Variants in OVCH1 observed in about 807,000 individuals in gnomAD.
OVCH1 encodes the protein ovochymase 1, also known as ovochymase-1.
Under a neutral mutation model 138.4 loss-of-function variants are expected in OVCH1, and 139 were observed. The observed-to-expected ratio is 1.00, with a 90% CI of 0.87 to 1.16. OVCH1 has a LOEUF of 1.16. Ranked by LOEUF, OVCH1 falls within the 50% of genes most tolerant of loss-of-function variation. The pLI, the probability that OVCH1 is intolerant of heterozygous loss-of-function variation, is 0.00. For missense variants in OVCH1, 1,367 were observed against 1,357.9 expected (o/e 1.01, Z -0.11); for synonymous variants, 453 against 467.8 (o/e 0.97, Z 0.41).
intron 3 of OVCH1, among the ~76,000 whole-genome samples, chr12:29,418,774 A>C (rs1941063969): frequency 6.6e-6 from 1 of 152,232 alleles, no homozygotes; most frequent in Non-Finnish European, 1.5e-5. Flanking sequence ...ATTTGTCATA[A>C]GGGAGTGAGG....
At position 29,490,192 on chromosome 12, in the gene OVCH1, T is replaced by C. The variant is rs1943236769; in HGVS notation, c.551-421A>G. Among the ~76,000 whole-genome samples, 3 of 152,152 alleles carry C rather than the reference T, an allele frequency of 2.0e-5. No individual in the cohort carries two copies. In the South Asian group the frequency reaches 6.2e-4, roughly 32 times the overall value. Reference sequence around the variant, plus strand: ...GATTCTCCCACCTCAGTTTCCCAAGTAGCTGGGACTACAGGCATGCCACCG... The same window carrying C: ...GATTCTCCCACCTCAGTTTCCCAAGCAGCTGGGACTACAGGCATGCCACCG... On this transcript the variant is annotated intron_variant, in intron 5 of 27. Transcript: ENST00000318184.
chr12:29,495,499 T>G (rs767027854), intron 3 of OVCH1, 42 bp from the exon 4 acceptor site: 4 of 1,545,110 alleles, frequency 2.6e-6, no homozygotes, highest in Non-Finnish European at 3.5e-6. Context: ...TTGTTTCCCC[T>G]ACGCAAGTCT....
intron 24 of OVCH1, 107 bp from the exon 25 acceptor site, chr12:29,443,607 T>A (rs1371152413): frequency 1.8e-6 from 2 of 1,106,810 alleles, no homozygotes; most frequent in African/African-American, 3.2e-5. Flanking sequence ...CCAGTGAGCC[T>A]TATTTTTTGT....
rs532464302 is a variant in OVCH1 at position 29,454,159 on chromosome 12, C to T, written c.2530+682G>A. ...ATATGTACTTTGCTCCTAAGACCATCGCCTCCTTTTGGGTACTAGATCTCA... is the reference window on the plus strand; with the variant it reads ...ATATGTACTTTGCTCCTAAGACCATTGCCTCCTTTTGGGTACTAGATCTCA... On this transcript the variant is annotated intron_variant, in intron 21 of 27. Coordinates refer to ENST00000318184, the Ensembl canonical transcript of OVCH1. Among the ~76,000 whole-genome samples, 4 of 152,202 alleles carry T rather than the reference C, an allele frequency of 2.6e-5. No homozygotes were observed. The South Asian group carries it at 6.2e-4, about 24-fold the overall frequency.
intron 1 of OVCH1, among the ~76,000 whole-genome samples, chr12:29,497,205 G>A (rs1943442142): frequency 6.6e-6 from 1 of 152,126 alleles, no homozygotes; most frequent in African/African-American, 2.4e-5. Context: ...GGAGTTTGAG[G>A]GAGCCGTGAT....
exon 18 of OVCH1, chr12:29,464,619 G>A (rs746388481): frequency 1.2e-5 from 19 of 1,613,528 alleles, no homozygotes; most frequent in Non-Finnish European, 1.6e-5. Context: ...CCAGAGGAGA[G>A]CTTAGTTGTA....
chr12:29,496,528 A>G (rs1345546753), intron 2 of OVCH1, 28 bp downstream of exon 2: 2 of 1,507,560 alleles, frequency 1.3e-6, no homozygotes, highest in Non-Finnish European at 1.8e-6. Flanking sequence ...TTTTCTCATT[A>G]AGAAATCAAT....
rs1941732921 is a variant in OVCH1 at position 29,449,911 on chromosome 12, G to A, written c.2755+1434C>T. ...CAAACCTGACAAAAACAAGCAATGA[G>A]GAAAGGATTCCCTATTTAATAAATG... is the stretch of plus-strand genomic sequence containing the variant. On this transcript the variant is annotated intron_variant, in intron 22 of 27. Coordinates refer to ENST00000318184, the Ensembl canonical transcript of OVCH1. Among the ~76,000 whole-genome samples, 2 of 152,138 alleles carry A rather than the reference G, an allele frequency of 1.3e-5. 1 individual carries two copies. The highest frequency in any genetic ancestry group is 4.1e-4 in the South Asian group (2 of 4,832).
At chr12:29,486,303 A>T (rs766972563) in exon 8 of OVCH1, 2 of 1,613,852 alleles carry the variant, frequency 1.2e-6, no homozygotes, top group African/African-American at 1.3e-5. Flanking sequence ...GGCCTTTGTT[A>T]TATACCTTGA....
chr12:29,405,185 T>G, the OVCH1 span, among the ~76,000 whole-genome samples: 1 of 152,212 alleles, frequency 6.6e-6, no homozygotes, highest in South Asian at 2.1e-4. Flanking sequence ...CTAATTACGG[T>G]TCATTTGTTT....
At chr12:29,482,883 C>T (rs980307811) in intron 8 of OVCH1, among the ~76,000 whole-genome samples, 3 of 152,210 alleles carry the variant, frequency 2.0e-5, no homozygotes, top group Admixed American at 6.5e-5. Context: ...AAATACTTTG[C>T]TCAAATATCC....
intron 3 of OVCH1, among the ~76,000 whole-genome samples, chr12:29,417,405 G>A (rs1941043642): frequency 7.2e-6 from 1 of 138,088 alleles, no homozygotes; most frequent in Non-Finnish European, 1.5e-5. Context: ...AGAGGTTGCA[G>A]TGAGCCAAGA....
chr12:29,449,350 T>C (rs1324644387), intron 22 of OVCH1, among the ~76,000 whole-genome samples: 1 of 150,540 alleles, frequency 6.6e-6, no homozygotes, highest in Non-Finnish European at 1.5e-5. Context: ...CTTTCTCAAT[T>C]CAAAGTACTT....
rs571934688 is a variant in OVCH1, at chr12:29,495,628, G to GA, written c.282-172dup. ...CAATGGTCATATTTTTTTTAATCTA[G>GA]AAAAAATCGTAGTTTTCAGTCATGT... is the stretch of plus-strand genomic sequence containing the variant. On this transcript the variant is annotated intron_variant, in intron 3 of 27. Transcript: ENST00000318184. Among the ~76,000 whole-genome samples, 13 of 151,912 alleles carry GA rather than the reference G, an allele frequency of 8.6e-5. No individual in the cohort carries two copies. In the South Asian group the frequency reaches 1.9e-3, roughly 22 times the overall value.
intron 18 of OVCH1, 171 bp downstream of exon 18, chr12:29,464,336 T>G (rs1942240788): frequency 1.2e-6 from 1 of 804,948 alleles, no homozygotes; most frequent in East Asian, 2.7e-5. Flanking sequence ...GGAAAAGTTT[T>G]AAATAGCTCA....
chr12:29,406,293 CTTTAT>C, the OVCH1 span, among the ~76,000 whole-genome samples: 1 of 151,902 alleles, frequency 6.6e-6, no homozygotes, highest in Non-Finnish European at 1.5e-5. Flanking sequence ...AGGAAGTCAC[CTTTAT>C]TTTATTTATT....
intron 19 of OVCH1, among the ~76,000 whole-genome samples, chr12:29,461,421 T>A (rs1280229888): frequency 6.6e-6 from 1 of 152,248 alleles, no homozygotes; most frequent in East Asian, 1.9e-4. Context: ...TTATTTTAAC[T>A]TGTGGAAAAT....
chr12:29,412,287 G>A (rs1416150958), downstream of OVCH1, among the ~76,000 whole-genome samples: 8 of 152,086 alleles, frequency 5.3e-5, no homozygotes, highest in East Asian at 1.2e-3. Context: ...ACTCTGCTTC[G>A]GCTCACGCAC....
chr12:29,482,273 T>C (rs1942959975), intron 8 of OVCH1, among the ~76,000 whole-genome samples: 1 of 152,178 alleles, frequency 6.6e-6, no homozygotes, highest in African/African-American at 2.4e-5. Flanking sequence ...GTCTCACACA[T>C]ACCATTCCTT....
Sources: gnomAD v4.1 joint callset for allele counts (sites outside exome capture counted in the v4.1 genomes callset) on GRCh38, gnomAD v4.1.1 for gene constraint, MANE v1.5 for transcripts, NCBI Gene and HGNC (gene_info 2026-07-23, HGNC 2026-07-21) for gene names.